THSD4: variants seen among roughly 807,000 people sequenced by gnomAD.
THSD4 encodes thrombospondin type 1 domain containing 4.
In THSD4, 69 loss-of-function variants were observed where a neutral mutation model predicts 119.0. The observed-to-expected ratio is 0.58, with a 90% CI of 0.48 to 0.71. The LOEUF (loss-of-function observed/expected upper bound fraction) is 0.71. Among genes scored for constraint, THSD4 ranks in the 30% least tolerant of loss-of-function variants. THSD4 has a pLI of 0.00. For synonymous variants in THSD4, 524 were observed against 540.4 expected, an observed-to-expected ratio of 0.97 and a Z score of 0.42; for missense variants, 1,393 against 1,391.1, an observed-to-expected ratio of 1.00 and a Z score of -0.02.
chr15:71,707,494 C>G (rs1253883461), intron 8 of THSD4, among the ~76,000 whole-genome samples: 9 of 152,164 alleles, frequency 5.9e-5, no homozygotes, highest in Admixed American at 1.3e-4. Flanking sequence ...AATTTGGGAA[C>G]CAAGGCAACT....
At chr15:71,158,370 C>T (rs1283070538) in intron 3 of THSD4, among the ~76,000 whole-genome samples, 1 of 151,970 alleles carries the variant, frequency 6.6e-6, no homozygotes, top group Non-Finnish European at 1.5e-5. Context: ...TCAGGCTGGT[C>T]TTGAACTCCC....
chr15:71,662,975 A>G (rs1401516888), intron 8 of THSD4, among the ~76,000 whole-genome samples: 1 of 152,130 alleles, frequency 6.6e-6, no homozygotes, highest in Non-Finnish European at 1.5e-5. Flanking sequence ...AGGGGCGGGC[A>G]GGGAGGTTCA....
intron 7 of THSD4, among the ~76,000 whole-genome samples, chr15:71,652,631 G>A (rs377119390): frequency 2.6e-5 from 4 of 152,100 alleles, no homozygotes; most frequent in African/African-American, 4.8e-5. Context: ...TTTACCTCTC[G>A]GGACTCCTTT....
chr15:71,138,482 A>T (rs1304269694), intron 1 of THSD4, among the ~76,000 whole-genome samples: 1 of 152,150 alleles, frequency 6.6e-6, no homozygotes, highest in Non-Finnish European at 1.5e-5. Context: ...ATCTGGAGGG[A>T]GTTGTCTTTG....
At chr15:71,272,144 T>C (rs1435572249) in intron 6 of THSD4, among the ~76,000 whole-genome samples, 2 of 152,060 alleles carry the variant, frequency 1.3e-5, no homozygotes, top group Admixed American at 6.6e-5. Flanking sequence ...GGCTCACACC[T>C]GTAATCCCAG....
intron 7 of THSD4, among the ~76,000 whole-genome samples, chr15:71,422,385 G>A (rs78085371): frequency 0.22 from 32,860 of 152,146 alleles, 4,511 homozygotes; most frequent in Middle Eastern, 0.37. Context: ...CACTGCAGAC[G>A]TATTTGCATT....
chr15:71,684,480 T>C (rs1455606739), intron 8 of THSD4, among the ~76,000 whole-genome samples: 3 of 151,848 alleles, frequency 2.0e-5, no homozygotes, highest in African/African-American at 7.3e-5. Flanking sequence ...TACATGCTCA[T>C]CATTGGGGTA....
At chr15:71,674,852 G>A (rs938767251) in intron 8 of THSD4, among the ~76,000 whole-genome samples, 4 of 152,202 alleles carry the variant, frequency 2.6e-5, no homozygotes, top group Non-Finnish European at 5.9e-5. Context: ...GGCTCCCACA[G>A]TGAAGAATTA....
rs559956444 is a variant in THSD4, at chr15:71,232,088, A to G, written c.465-10561A>G. Among the ~76,000 whole-genome samples, 13 of 152,158 alleles carry G rather than the reference A, an allele frequency of 8.5e-5. No individual in the cohort carries two copies. The South Asian group carries it at 2.7e-3, about 32-fold the overall frequency. On this transcript the variant is annotated intron_variant, in intron 4 of 17. Coordinates refer to ENST00000261862, the MANE Select transcript of THSD4 (RefSeq NM_024817.3). ...GCTCAAGCGGCTCCTTGGTGAACAC[A>G]CACGTTTCTGGTCCTCAGCTGCTGC...
At position 71,777,655 on chromosome 15, in the gene THSD4, G is replaced by C. The variant is rs2053938609; in HGVS notation, c.*281G>C. 4.4e-6 allele frequency: 2 copies of C among 452,898 alleles called. No homozygotes were observed. Among genetic ancestry groups the C allele is most frequent in the East Asian group, 8.2e-5 (2 of 24,258 alleles). 28.1% of individuals were successfully genotyped at this position (452,898 alleles called of 1,614,324 possible). A position where few individuals can be genotyped will look rare whatever the true frequency, so the allele number is the denominator to read the frequency against. ...TGGTGCCCTTTGAAAGTCAAGCAGT[G>C]GGAAGTACATGGAGCTCTCAGCCCT... On this transcript the variant is annotated 3_prime_UTR_variant, in exon 18 of 18. Coordinates refer to ENST00000261862, the MANE Select transcript of THSD4 (RefSeq NM_024817.3).
intron 7 of THSD4, among the ~76,000 whole-genome samples, chr15:71,629,695 C>T (rs970475159): frequency 1.3e-5 from 2 of 152,126 alleles, no homozygotes; most frequent in African/African-American, 2.4e-5. Flanking sequence ...CTCCACATCC[C>T]ATACCTACAT....
intron 6 of THSD4, among the ~76,000 whole-genome samples, chr15:71,385,596 A>ATTG (rs2046285972): frequency 3.5e-5 from 3 of 85,410 alleles, no homozygotes; most frequent in African/African-American, 1.3e-4. Flanking sequence ...AAGCGAATAA[A>ATTG]TTTGAACCTG....
chr15:71,575,285 G>C (rs1462017948), intron 7 of THSD4, among the ~76,000 whole-genome samples: 1 of 152,128 alleles, frequency 6.6e-6, no homozygotes, highest in Non-Finnish European at 1.5e-5. Context: ...CAAATACAAA[G>C]ACCATGTGAC....
intron 7 of THSD4, among the ~76,000 whole-genome samples, chr15:71,647,156 T>G (rs1204781903): frequency 6.6e-6 from 1 of 152,186 alleles, no homozygotes; most frequent in East Asian, 1.9e-4. Flanking sequence ...AGGTGAAGGA[T>G]CGGTGTTTTT....
chr15:71,755,525 G>T (rs1161297922), intron 14 of THSD4, among the ~76,000 whole-genome samples: 1 of 151,990 alleles, frequency 6.6e-6, no homozygotes, highest in African/African-American at 2.4e-5. Context: ...CTTTGGTCAT[G>T]TGCTAAAGGG....
intron 3 of THSD4, among the ~76,000 whole-genome samples, chr15:71,195,781 G>C (rs1265017598): frequency 6.6e-6 from 1 of 152,104 alleles, no homozygotes; most frequent in Non-Finnish European, 1.5e-5. Context: ...GACCACCTGG[G>C]AGTCATAATA....
intron 6 of THSD4, among the ~76,000 whole-genome samples, chr15:71,280,219 A>G (rs1034698872): frequency 6.6e-6 from 1 of 152,190 alleles, no homozygotes; most frequent in African/African-American, 2.4e-5. Context: ...CCTCTGGAGC[A>G]AAGAACTTAT....
At chr15:71,443,370 C>CT (rs1007160786) in intron 7 of THSD4, among the ~76,000 whole-genome samples, 3 of 152,104 alleles carry the variant, frequency 2.0e-5, no homozygotes, top group Non-Finnish European at 4.4e-5. Flanking sequence ...CTCTGCAGGT[C>CT]TTTTTACCCA....
intron 7 of THSD4, among the ~76,000 whole-genome samples, chr15:71,636,745 G>A (rs957327478): frequency 6.6e-6 from 1 of 152,032 alleles, no homozygotes; most frequent in African/African-American, 2.4e-5. Flanking sequence ...CCTGACCCCA[G>A]CTGGTCCCCG....
Sources: allele counts gnomAD v4.1 joint callset (sites outside exome capture counted in the v4.1 genomes callset), GRCh38; gene constraint gnomAD v4.1.1; transcripts MANE v1.5; gene names NCBI Gene and HGNC (gene_info 2026-07-23, HGNC 2026-07-21).